The following NLGN1 variants were observed in gnomAD, a reference collection of about 807,000 sequenced individuals.
The protein encoded by NLGN1 is neuroligin-1.
Under a neutral mutation model 65.5 loss-of-function variants are expected in NLGN1, and 12 were observed. The ratio of observed to expected loss-of-function variants is 0.18; its 90% CI spans 0.12 to 0.30. The LOEUF is 0.30. Among genes scored for constraint, NLGN1 ranks in the 10% least tolerant of loss-of-function variants. The pLI is 1.00. For missense variants in NLGN1, 750 were observed against 1,007.1 expected, an observed-to-expected ratio of 0.74 and a Z score of 3.46; for synonymous variants, 350 against 359.5, an observed-to-expected ratio of 0.97 and a Z score of 0.30.
Position 174,114,684 on chromosome 3 carries a change from A to G in NLGN1, c.647-160631A>G, listed in dbSNP as rs183293482. Among the ~76,000 whole-genome samples, 4 of 152,254 alleles carry G rather than the reference A, an allele frequency of 2.6e-5. No homozygotes were observed. In the East Asian group the frequency reaches 7.7e-4, roughly 29 times the overall value. ...CTTCTAGTGATGTTTGTCATATTTTATCTAACGCTGCATAGTTTACATGCA... is the reference window on the plus strand; with the variant it reads ...CTTCTAGTGATGTTTGTCATATTTTGTCTAACGCTGCATAGTTTACATGCA... On this transcript the variant is annotated intron_variant, in intron 4 of 6. Coordinates refer to ENST00000457714, the Ensembl canonical transcript of NLGN1.
chr3:173,420,250 C>T (rs1039436733), intron 1 of NLGN1, among the ~76,000 whole-genome samples: 9 of 152,112 alleles, frequency 5.9e-5, no homozygotes, highest in East Asian at 3.9e-4. Context: ...CAACAGTCCC[C>T]GGTGTGTGAT....
chr3:173,551,635 C>G (rs768735192), intron 2 of NLGN1, among the ~76,000 whole-genome samples: 1 of 152,178 alleles, frequency 6.6e-6, no homozygotes, highest in African/African-American at 2.4e-5. Context: ...ATTATAATTA[C>G]TTGCTTCAAG....
intron 4 of NLGN1, among the ~76,000 whole-genome samples, chr3:173,996,171 C>A (rs1043029018): frequency 6.6e-6 from 1 of 152,082 alleles, no homozygotes; most frequent in Non-Finnish European, 1.5e-5. Context: ...ACTCCTAATT[C>A]CTGCTTCTAT....
chr3:173,422,315 A>C (rs1045145450), intron 1 of NLGN1, among the ~76,000 whole-genome samples: 1 of 152,186 alleles, frequency 6.6e-6, no homozygotes, highest in African/African-American at 2.4e-5. Context: ...TGAGAGCTAA[A>C]AAGTTTATCT....
intron 4 of NLGN1, among the ~76,000 whole-genome samples, chr3:174,122,665 G>A (rs1237053044): frequency 1.3e-5 from 2 of 152,104 alleles, no homozygotes; most frequent in African/African-American, 2.4e-5. Flanking sequence ...CAATGACGTT[G>A]TTTTTAAGCC....
intron 3 of NLGN1, among the ~76,000 whole-genome samples, chr3:173,652,037 G>C (rs114193377): frequency 0.017 from 2,540 of 152,172 alleles, 32 homozygotes; most frequent in Non-Finnish European, 0.027. Flanking sequence ...CAAGTAATCT[G>C]CCTGCCTCAG....
At position 174,243,069 on chromosome 3, in the gene NLGN1, GAT is replaced by G. The variant is rs556419241; in HGVS notation, c.647-32243_647-32242del. ...TGAATTTGAAGCAAAGATGAAAAAT[GAT>G]ATGTTGGAGTTATTCAGTCAGACAC... On this transcript the variant is annotated intron_variant, in intron 4 of 6. Transcript: ENST00000457714. Among the ~76,000 whole-genome samples, 121 of 152,290 alleles carry G rather than the reference GAT, an allele frequency of 7.9e-4. 4 individuals are homozygous for G. In the South Asian group the frequency reaches 0.024, roughly 30 times the overall value.
chr3:173,470,250 G>C lies in NLGN1; in HGVS notation c.-321+35172G>C, dbSNP rs549428829. On this transcript the variant is annotated intron_variant, in intron 2 of 6. Coordinates refer to ENST00000457714, the Ensembl canonical transcript of NLGN1. ...ACCACACCTTGTTTTTAAACATCCT[G>C]TCTTGCCTCTTCTGCTGTCTCCATT... Among the ~76,000 whole-genome samples the C allele has an allele frequency of 3.9e-5, 6 of 152,090 alleles. No individual in the cohort carries two copies. In the South Asian group the frequency reaches 6.2e-4, roughly 16 times the overall value.
At chr3:173,633,198 T>C (rs937140287) in intron 3 of NLGN1, among the ~76,000 whole-genome samples, 7 of 152,144 alleles carry the variant, frequency 4.6e-5, no homozygotes, top group Non-Finnish European at 8.8e-5. Flanking sequence ...CATTTTCACA[T>C]CATAATTGAG....
chr3:173,657,692 T>C (rs551907487), intron 3 of NLGN1, among the ~76,000 whole-genome samples: 64 of 151,904 alleles, frequency 4.2e-4, no homozygotes, highest in African/African-American at 1.3e-3. Flanking sequence ...CTAAAAAAAA[T>C]AGGAATCATC....
At chr3:174,224,325 A>G (rs1431408145) in intron 4 of NLGN1, among the ~76,000 whole-genome samples, 1 of 152,192 alleles carries the variant, frequency 6.6e-6, no homozygotes, top group Admixed American at 6.5e-5. Flanking sequence ...CAAATTGTTG[A>G]GCAATTTCAA....
chr3:173,871,601 A>C (rs1731172560), intron 4 of NLGN1, among the ~76,000 whole-genome samples: 1 of 152,206 alleles, frequency 6.6e-6, no homozygotes, highest in Admixed American at 6.5e-5. Context: ...AATCCTCTGA[A>C]AGATAGCATA....
chr3:174,027,938 T>C (rs1203877633), intron 4 of NLGN1, among the ~76,000 whole-genome samples: 1 of 151,946 alleles, frequency 6.6e-6, no homozygotes, highest in Non-Finnish European at 1.5e-5. Flanking sequence ...TCATGAGGGG[T>C]GGTTTCCCCC....
intron 4 of NLGN1, among the ~76,000 whole-genome samples, chr3:174,045,567 T>G (rs1340102999): frequency 2.0e-5 from 3 of 152,114 alleles, no homozygotes; most frequent in Non-Finnish European, 4.4e-5. Flanking sequence ...TGTCCCTTAA[T>G]GAAAATCAGT....
At chr3:173,666,596 C>T (rs1030030375) in intron 3 of NLGN1, among the ~76,000 whole-genome samples, 1 of 152,088 alleles carries the variant, frequency 6.6e-6, no homozygotes, top group Non-Finnish European at 1.5e-5. Context: ...AATGGATCAA[C>T]CATTCCCTAA....
intron 2 of NLGN1, among the ~76,000 whole-genome samples, chr3:173,581,252 T>C (rs1324634318): frequency 1.3e-5 from 2 of 152,062 alleles, no homozygotes; most frequent in South Asian, 2.1e-4. Flanking sequence ...TGGTATCTCT[T>C]TTGCATGGAT....
intron 4 of NLGN1, among the ~76,000 whole-genome samples, chr3:174,148,744 A>G (rs1723803521): frequency 6.6e-6 from 1 of 151,960 alleles, no homozygotes; most frequent in Non-Finnish European, 1.5e-5. Flanking sequence ...TATTTGTGTG[A>G]TTTCTTTCCT....
intron 2 of NLGN1, among the ~76,000 whole-genome samples, chr3:173,573,385 G>A (rs1744961197): frequency 2.0e-5 from 3 of 151,990 alleles, no homozygotes; most frequent in African/African-American, 7.2e-5. Flanking sequence ...ATTATTAAGT[G>A]TGCATGCCTT....
intron 4 of NLGN1, among the ~76,000 whole-genome samples, chr3:174,046,135 A>G (rs1043383939): frequency 2.0e-5 from 3 of 152,188 alleles, no homozygotes; most frequent in Admixed American, 1.3e-4. Flanking sequence ...TGTACCAACT[A>G]TTTTGCAAGA....
Sources: allele counts gnomAD v4.1 joint callset (sites outside exome capture counted in the v4.1 genomes callset), GRCh38; gene constraint gnomAD v4.1.1; transcripts MANE v1.5; gene names NCBI Gene and HGNC (gene_info 2026-07-23, HGNC 2026-07-21).